The following JAZF1 variants were observed in gnomAD, a reference collection of about 807,000 sequenced individuals.
JAZF1 encodes the protein JAZF zinc finger 1.
Under a neutral mutation model 26.4 loss-of-function variants are expected in JAZF1, and 8 were observed. That is an observed-to-expected ratio of 0.30 (90% CI 0.18 to 0.55). The LOEUF is 0.55. JAZF1 is among the 20% of genes least tolerant of loss of function. The pLI is 0.94. For synonymous variants in JAZF1, 126 were observed against 122.3 expected (o/e 1.03, Z -0.20); for missense variants, 199 against 322.0 (o/e 0.62, Z 2.92).
At chr7:28,179,684 A>C (rs1237820286) in intron 1 of JAZF1, among the ~76,000 whole-genome samples, 1 of 147,738 alleles carries the variant, frequency 6.8e-6, no homozygotes, top group Non-Finnish European at 1.5e-5. Context: ...CGTCCGCGCC[A>C]GGCCGGGGCA....
intron 2 of JAZF1, among the ~76,000 whole-genome samples, chr7:27,930,139 G>A (rs1784665605): frequency 6.6e-6 from 1 of 152,038 alleles, no homozygotes; most frequent in Non-Finnish European, 1.5e-5. Context: ...GGGATTACAG[G>A]CACCTGCCAC....
At chr7:28,118,792 A>ACACACAAC (rs57963092) in intron 1 of JAZF1, among the ~76,000 whole-genome samples, 1 of 139,094 alleles carries the variant, frequency 7.2e-6, no homozygotes, top group Non-Finnish European at 1.6e-5. Flanking sequence ...ACACACACAC[A>ACACACAAC]ACACACACAC....
chr7:27,885,259 CA>C (rs939278174), intron 3 of JAZF1, among the ~76,000 whole-genome samples: 2 of 152,230 alleles, frequency 1.3e-5, no homozygotes, highest in Non-Finnish European at 2.9e-5. Context: ...CATCCTTCAA[CA>C]AGAAAGGGGA....
intron 1 of JAZF1, among the ~76,000 whole-genome samples, chr7:28,163,789 C>T (rs1052903062): frequency 1.3e-5 from 2 of 152,122 alleles, no homozygotes; most frequent in Admixed American, 6.5e-5. Flanking sequence ...TAAAGAGTAC[C>T]GTGGTCACTT....
intron 3 of JAZF1, among the ~76,000 whole-genome samples, chr7:27,890,786 T>C (rs1783960444): frequency 3.2e-5 from 1 of 30,876 alleles, no homozygotes; most frequent in African/African-American, 1.5e-4. Context: ...TGTTACTACT[T>C]TTTTTTTTTT....
intron 1 of JAZF1, among the ~76,000 whole-genome samples, chr7:28,008,799 T>A (rs150668762): frequency 1.1e-4 from 17 of 152,356 alleles, no homozygotes; most frequent in African/African-American, 3.8e-4. Flanking sequence ...ATATGACTTT[T>A]CAGTAGAGAT....
intron 1 of JAZF1, among the ~76,000 whole-genome samples, chr7:28,147,484 TA>T (rs1326762095): frequency 7.3e-6 from 1 of 136,968 alleles, no homozygotes; most frequent in Admixed American, 7.8e-5. Context: ...CCTCTACTAG[TA>T]AAAACAATTT....
chr7:27,855,800 AC>A (rs1380900701), intron 3 of JAZF1, among the ~76,000 whole-genome samples: 2 of 152,208 alleles, frequency 1.3e-5, no homozygotes, highest in African/African-American at 4.8e-5. Context: ...AGGATCTGGT[AC>A]CATTCCTTCT....
At chr7:27,980,083 T>C (rs1012915177) in intron 2 of JAZF1, among the ~76,000 whole-genome samples, 1 of 152,214 alleles carries the variant, frequency 6.6e-6, no homozygotes, top group African/African-American at 2.4e-5. Context: ...TTAGATACTT[T>C]TTCAAATTCT....
rs578077599 is a variant in JAZF1, at chr7:28,079,236, G to A, written c.116-87255C>T. 7.2e-5 allele frequency among the ~76,000 whole-genome samples: 11 copies of A among 152,126 alleles called. No individual in the cohort carries two copies. The East Asian group carries it at 1.7e-3, about 24-fold the overall frequency. ...TTGAACTCCTGACCTCAGGTGATCCGCCTGCTTGGGCCTCCCAAAGTGTTA... is the reference window on the plus strand; with the variant it reads ...TTGAACTCCTGACCTCAGGTGATCCACCTGCTTGGGCCTCCCAAAGTGTTA... On this transcript the variant is annotated intron_variant, in intron 1 of 4. Coordinates refer to ENST00000283928, the MANE Select transcript of JAZF1 (RefSeq NM_175061.4).
rs138675397 is a variant in JAZF1 at position 28,168,255 on chromosome 7, G to A, written c.115+12208C>T. On this transcript the variant is annotated intron_variant, in intron 1 of 4. Transcript: ENST00000283928. ...AAATTAGCCGGGCGTGGCAGCAGGC[G>A]CCTGTAGTCCCAGCTACTCGGGAGG... Among the ~76,000 whole-genome samples, 242 of 152,006 alleles carry A rather than the reference G, an allele frequency of 1.6e-3. 2 individuals carry two copies. The highest frequency in any genetic ancestry group is 5.6e-3 in the African/African-American group (232 of 41,468).
intron 1 of JAZF1, among the ~76,000 whole-genome samples, chr7:28,156,413 T>C (rs2127950134): frequency 6.6e-6 from 1 of 152,252 alleles, no homozygotes; most frequent in East Asian, 1.9e-4. Flanking sequence ...AAATATGATT[T>C]GTCTATTTTG....
intron 3 of JAZF1, among the ~76,000 whole-genome samples, chr7:27,847,143 CTTTT>C (rs1422638251): frequency 4.2e-5 from 3 of 70,692 alleles, no homozygotes; most frequent in East Asian, 2.1e-4. Flanking sequence ...CCCCGCCTGG[CTTTT>C]TTTCTTTTTT....
At chr7:28,114,372 T>C (rs962341175) in intron 1 of JAZF1, among the ~76,000 whole-genome samples, 9 of 151,914 alleles carry the variant, frequency 5.9e-5, no homozygotes, top group Non-Finnish European at 1.3e-4. Context: ...TAGAACTCAC[T>C]GCGGGTTTGG....
chr7:28,039,175 C>T (rs2128376765), intron 1 of JAZF1, among the ~76,000 whole-genome samples: 1 of 152,254 alleles, frequency 6.6e-6, no homozygotes, highest in East Asian at 1.9e-4. Flanking sequence ...CTTAGCCCTC[C>T]TTGGTGCAGG....
chr7:28,010,859 G>T (rs905645874), intron 1 of JAZF1, among the ~76,000 whole-genome samples: 1 of 152,212 alleles, frequency 6.6e-6, no homozygotes, highest in African/African-American at 2.4e-5. Context: ...ATGCCAGTAG[G>T]TCGTATTTTC....
chr7:28,047,973 T>C (rs557716948), intron 1 of JAZF1, among the ~76,000 whole-genome samples: 8 of 152,330 alleles, frequency 5.3e-5, no homozygotes, highest in African/African-American at 1.9e-4. Context: ...TCTGTCTTTC[T>C]CTATGCTTTG....
At chr7:27,851,808 C>T (rs750820345) in intron 3 of JAZF1, among the ~76,000 whole-genome samples, 2 of 152,138 alleles carry the variant, frequency 1.3e-5, no homozygotes, top group African/African-American at 2.4e-5. Context: ...TCATAATTTC[C>T]ATATTAGCTT....
intron 1 of JAZF1, among the ~76,000 whole-genome samples, chr7:28,180,130 A>T (rs1783616893): frequency 9.0e-6 from 1 of 110,722 alleles, no homozygotes. Flanking sequence ...GCGCGCCGGC[A>T]CTCGGCCCCG....
Sources: allele counts gnomAD v4.1 joint callset (sites outside exome capture counted in the v4.1 genomes callset), GRCh38; gene constraint gnomAD v4.1.1; transcripts MANE v1.5; gene names NCBI Gene and HGNC (gene_info 2026-07-23, HGNC 2026-07-21).